The following TTC23 variants were observed in gnomAD, a reference collection of about 807,000 sequenced individuals.
TTC23 encodes tetratricopeptide repeat protein 23.
A neutral mutation model predicts 55.1 loss-of-function variants in TTC23; 58 were observed. The observed-to-expected ratio is 1.05, with a 90% CI of 0.85 to 1.31. The LOEUF (loss-of-function observed/expected upper bound fraction) is 1.31, where lower values mean the gene tolerates loss of function less well. Ranked by LOEUF, TTC23 falls within the 50% of genes most tolerant of loss-of-function variation. The pLI is 0.00. For synonymous variants in TTC23, 203 were observed against 199.9 expected (o/e 1.02, Z -0.13); for missense variants, 516 against 534.4 (o/e 0.97, Z 0.34).
At chr15:99,229,807 G>A (rs1224543587) in intron 4 of TTC23, among the ~76,000 whole-genome samples, 1 of 152,194 alleles carries the variant, frequency 6.6e-6, no homozygotes. Flanking sequence ...TGAGGCATTA[G>A]ATAGTTAGAG....
chr15:99,246,480 T>C (rs2080249160), intron 1 of TTC23, among the ~76,000 whole-genome samples: 1 of 151,282 alleles, frequency 6.6e-6, no homozygotes, highest in African/African-American at 2.4e-5. Context: ...CTGGGCATAG[T>C]AGTGGGCACC....
chr15:99,139,447 G>A (rs2067963960), intron 12 of TTC23, 48 bp from the exon 13 acceptor site: 1 of 1,612,814 alleles, frequency 6.2e-7, no homozygotes, highest in East Asian at 2.2e-5. Context: ...GTGTCGCTGA[G>A]AGCAGGAAAC....
intron 9 of TTC23, among the ~76,000 whole-genome samples, chr15:99,192,840 T>C (rs1003733449): frequency 6.6e-6 from 1 of 152,122 alleles, no homozygotes; most frequent in African/African-American, 2.4e-5. Context: ...CGTCAATGTG[T>C]GAAGGCAGCT....
chr15:99,185,761 C>T (rs1268852190), intron 9 of TTC23, among the ~76,000 whole-genome samples: 1 of 152,118 alleles, frequency 6.6e-6, no homozygotes, highest in Non-Finnish European at 1.5e-5. Flanking sequence ...GGTTTTCTTC[C>T]GGACCCCTGC....
chr15:99,226,710 C>G (rs2078456543), intron 5 of TTC23, among the ~76,000 whole-genome samples: 1 of 152,136 alleles, frequency 6.6e-6, no homozygotes, highest in South Asian at 2.1e-4. Flanking sequence ...TTTCCTCTCC[C>G]TGGAACTCCT....
intron 12 of TTC23, among the ~76,000 whole-genome samples, chr15:99,154,576 T>G (rs1166593481): frequency 6.6e-6 from 1 of 152,212 alleles, no homozygotes; most frequent in African/African-American, 2.4e-5. Flanking sequence ...TGCCAGTCCC[T>G]GGATCTTGGA....
intron 5 of TTC23, among the ~76,000 whole-genome samples, chr15:99,228,089 A>C (rs1407348522): frequency 6.6e-6 from 1 of 152,202 alleles, no homozygotes; most frequent in Non-Finnish European, 1.5e-5. Flanking sequence ...TTAGTCATAC[A>C]ATAGATATTT....
intron 10 of TTC23, among the ~76,000 whole-genome samples, chr15:99,168,863 C>T (rs189155686): frequency 3.9e-5 from 6 of 152,264 alleles, no homozygotes; most frequent in Non-Finnish European, 7.4e-5. Flanking sequence ...CCCTCAGCAG[C>T]GTGGGGTGGG....
intron 8 of TTC23, among the ~76,000 whole-genome samples, chr15:99,207,830 G>A (rs545983434): frequency 1.3e-5 from 2 of 152,226 alleles, no homozygotes; most frequent in Admixed American, 1.3e-4. Flanking sequence ...TAAGAAGCCT[G>A]AGGACGCTGA....
intron 8 of TTC23, among the ~76,000 whole-genome samples, chr15:99,214,552 A>C: frequency 6.7e-6 from 1 of 149,098 alleles, no homozygotes; most frequent in African/African-American, 2.5e-5. Flanking sequence ...CAGTCTCCTG[A>C]GTAGCTAGGA....
At chr15:99,193,600 C>CAGGGCA (rs2075431490) in intron 9 of TTC23, among the ~76,000 whole-genome samples, 1 of 152,184 alleles carries the variant, frequency 6.6e-6, no homozygotes, top group Non-Finnish European at 1.5e-5. Flanking sequence ...GTAAGTTGCC[C>CAGGGCA]AGTCTTGGGT....
chr15:99,196,655 C>T (rs748466650), intron 9 of TTC23, among the ~76,000 whole-genome samples: 16 of 152,200 alleles, frequency 1.1e-4, no homozygotes, highest in Non-Finnish European at 2.1e-4. Context: ...TTCACCAGCA[C>T]CACCTGAGTA....
At chr15:99,247,292 A>T (rs1457298641) in intron 1 of TTC23, among the ~76,000 whole-genome samples, 2 of 152,062 alleles carry the variant, frequency 1.3e-5, no homozygotes, top group African/African-American at 4.8e-5. Context: ...GAGTTACCAT[A>T]TGACAGTAAT....
chr15:99,139,710 C>T (rs2068000360), intron 12 of TTC23: 1 of 1,362,328 alleles, frequency 7.3e-7, no homozygotes, highest in Non-Finnish European at 9.7e-7. Context: ...GGATGGGCTC[C>T]AGTTTCTATT....
At chr15:99,208,077 T>C (rs534556160) in intron 8 of TTC23, among the ~76,000 whole-genome samples, 14 of 152,114 alleles carry the variant, frequency 9.2e-5, no homozygotes, top group East Asian at 3.9e-4. Flanking sequence ...CTCATCAAAA[T>C]AGACAATTAA....
chr15:99,188,990 G>C (rs1316401720), intron 9 of TTC23, among the ~76,000 whole-genome samples: 1 of 151,978 alleles, frequency 6.6e-6, no homozygotes, highest in Non-Finnish European at 1.5e-5. Context: ...CTTCAACCTA[G>C]TGGTCCCATG....
At position 99,218,718 on chromosome 15, in the gene TTC23, A is replaced by T; in HGVS notation, c.456-5T>A. The T allele has an allele frequency of 1.9e-6, 3 of 1,613,766 alleles. No homozygotes were observed. The highest frequency in any genetic ancestry group is 2.5e-6 in the Non-Finnish European group (3 of 1,179,992). The stretch of plus-strand genomic sequence containing the variant: ...TTCTCTGCAGCTTCCTTAAATCTGA[A>T]TTGTGTTCAGGAAATTTTCCACTTG... On this transcript the variant is annotated splice_polypyrimidine_tract_variant and splice_region_variant and intron_variant, in intron 7 of 13. Transcript: ENST00000394132.
intron 10 of TTC23, among the ~76,000 whole-genome samples, chr15:99,170,740 T>C (rs1181301130): frequency 2.0e-5 from 3 of 152,214 alleles, no homozygotes; most frequent in Admixed American, 2.0e-4. Context: ...GTGGGGGCAT[T>C]GGCCACGTGA....
At chr15:99,221,671 T>C (rs150869345) in intron 6 of TTC23, 70 bp downstream of exon 6, 175 of 1,594,712 alleles carry the variant, frequency 1.1e-4, no homozygotes, top group Non-Finnish European at 1.4e-4. Context: ...TCTAATTAAG[T>C]GTGAATCAAA....
Sources: allele counts gnomAD v4.1 joint callset (sites outside exome capture counted in the v4.1 genomes callset), GRCh38; gene constraint gnomAD v4.1.1; transcripts MANE v1.5; gene names NCBI Gene and HGNC (gene_info 2026-07-23, HGNC 2026-07-21).